The following ITPR2 variants were observed in gnomAD, a reference collection of about 807,000 sequenced individuals.
ITPR2 encodes the protein inositol 1,4,5-trisphosphate receptor type 2.
Under a neutral mutation model 317.1 loss-of-function variants are expected in ITPR2, and 207 were observed. The observed-to-expected ratio is 0.65, with a 90% CI of 0.58 to 0.73. ITPR2 has a LOEUF of 0.73. Among genes scored for constraint, ITPR2 ranks in the 30% least tolerant of loss-of-function variants. The pLI is 0.00. For synonymous variants in ITPR2, 1,156 were observed against 1,149.1 expected, an observed-to-expected ratio of 1.01 and a Z score of -0.12; for missense variants, 2,613 against 3,284.0, an observed-to-expected ratio of 0.80 and a Z score of 4.99.
intron 11 of ITPR2, 87 bp from the exon 12 acceptor site, chr12:26,682,760 G>GA: frequency 1.3e-5 from 10 of 753,726 alleles, no homozygotes; most frequent in South Asian, 3.5e-5. Flanking sequence ...TATATTATAT[G>GA]AACATAAATA....
At chr12:26,646,568 G>C (rs1947118731) in intron 21 of ITPR2, among the ~76,000 whole-genome samples, 1 of 152,146 alleles carries the variant, frequency 6.6e-6, no homozygotes, top group Admixed American at 6.6e-5. Flanking sequence ...GACATAGATA[G>C]ATTCAAAGCA....
intron 15 of ITPR2, among the ~76,000 whole-genome samples, chr12:26,662,286 A>G (rs1947521208): frequency 6.6e-6 from 1 of 152,154 alleles, no homozygotes; most frequent in Admixed American, 6.5e-5. Context: ...CCATTCTTAA[A>G]CTATCACCTT....
intron 2 of ITPR2, among the ~76,000 whole-genome samples, chr12:26,758,414 T>C (rs1949566231): frequency 6.6e-6 from 1 of 152,246 alleles, no homozygotes; most frequent in African/African-American, 2.4e-5. Context: ...GGCCCTTGAT[T>C]AATTTTGTCA....
At chr12:26,751,852 C>T (rs1949427573) in intron 2 of ITPR2, among the ~76,000 whole-genome samples, 2 of 148,442 alleles carry the variant, frequency 1.3e-5, no homozygotes, top group African/African-American at 5.0e-5. Flanking sequence ...GGCGACAGAG[C>T]AAGACTCTAT....
intron 32 of ITPR2, among the ~76,000 whole-genome samples, chr12:26,582,080 T>C (rs1945418070): frequency 6.6e-6 from 1 of 152,222 alleles, no homozygotes; most frequent in Non-Finnish European, 1.5e-5. Context: ...TACAAAGCTA[T>C]GTGGAACCTA....
chr12:26,552,970 C>G (rs771689451), intron 36 of ITPR2, among the ~76,000 whole-genome samples: 1 of 152,090 alleles, frequency 6.6e-6, no homozygotes, highest in Non-Finnish European at 1.5e-5. Flanking sequence ...TGAGTTAGGT[C>G]GGTGACTTTC....
chr12:26,584,569 AC>A (rs1176763820), intron 32 of ITPR2, among the ~76,000 whole-genome samples: 1 of 152,120 alleles, frequency 6.6e-6, no homozygotes, highest in Non-Finnish European at 1.5e-5. Context: ...TAAATAAGTT[AC>A]CATATGTTGA....
chr12:26,387,833 A>C (rs1397104041), intron 54 of ITPR2, among the ~76,000 whole-genome samples: 1 of 152,230 alleles, frequency 6.6e-6, no homozygotes, highest in African/African-American at 2.4e-5. Context: ...GGAAATGCAC[A>C]GTCCTGTAAT....
intron 48 of ITPR2, among the ~76,000 whole-genome samples, chr12:26,435,837 A>G (rs1941337584): frequency 6.6e-6 from 1 of 152,210 alleles, no homozygotes; most frequent in South Asian, 2.1e-4. Flanking sequence ...CTTAGACAAG[A>G]CAGAAAACAA....
At chr12:26,580,240 G>A in intron 32 of ITPR2, 85 bp from the exon 33 acceptor site, 2 of 1,217,578 alleles carry the variant, frequency 1.6e-6, no homozygotes, top group Non-Finnish European at 2.3e-6. Context: ...AAATTGTCCT[G>A]AAATAGTTGT....
chr12:26,516,260 AGGAAAGGAAAGGAAGGGAAGGGAAG>A (rs1565574458), intron 37 of ITPR2, among the ~76,000 whole-genome samples: 11 of 54,292 alleles, frequency 2.0e-4, no homozygotes, highest in South Asian at 7.5e-4. Context: ...AGGAAAGGAA[AGGAAAGGAAAGGAAGGGAAGGGAAG>A]GGAAAGGAAA....
intron 34 of ITPR2, among the ~76,000 whole-genome samples, chr12:26,574,836 A>G (rs1183335322): frequency 2.0e-5 from 3 of 151,894 alleles, no homozygotes; most frequent in Non-Finnish European, 4.4e-5. Flanking sequence ...ACTTTTAAAC[A>G]ACCAGATCTC....
In ITPR2 at chr12:26,658,200, T is replaced by C. The variant is rs1444794658; in HGVS notation, c.1887-70A>G. The C allele has an allele frequency of 5.8e-6, 6 of 1,037,134 alleles. No individual in the cohort carries two copies. In the African/African-American group the frequency reaches 6.6e-5, roughly 11 times the overall value. The allele number at this position is 1,037,134 out of a possible 1,614,324, so 64.2% of individuals were successfully genotyped here. A position where few individuals can be genotyped will look rare whatever the true frequency, so the allele number is the denominator to read the frequency against. The stretch of plus-strand genomic sequence containing the variant: ...TTATAAAAGCATCACAATAAAGACA[T>C]AATTTGGAATATAATAAAATAAACT... On this transcript the variant is annotated intron_variant, in intron 16 of 56. Coordinates refer to ENST00000381340, the MANE Select transcript of ITPR2 (RefSeq NM_002223.4).
chr12:26,648,818 T>G (rs1947174669), intron 21 of ITPR2: 1 of 152,184 alleles, frequency 6.6e-6, no homozygotes, highest in African/African-American at 2.4e-5. Context: ...ACCACAGGAA[T>G]TTTTCCCATG....
At chr12:26,825,533 T>C (rs1237085351) in intron 1 of ITPR2, among the ~76,000 whole-genome samples, 5 of 152,054 alleles carry the variant, frequency 3.3e-5, no homozygotes, top group South Asian at 4.2e-4. Context: ...AAAAGTGTCA[T>C]TGTGAAAAGC....
Position 26,568,006 on chromosome 12 carries a change from T to TATATATTATATATATTA in ITPR2, c.4631-6055_4631-6054insTAATATATATAATATAT, listed in dbSNP as rs1196635588. 4.7e-3 allele frequency among the ~76,000 whole-genome samples: 35 copies of TATATATTATATATATTA among 7,512 alleles called. 3 individuals carry two copies. The highest frequency in any genetic ancestry group is 0.012 in the African/African-American group (34 of 2,804). 4.9% of individuals were successfully genotyped at this position (7,512 alleles called of 152,430 possible). A position where few individuals can be genotyped will look rare whatever the true frequency, so the allele number is the denominator to read the frequency against. The stretch of plus-strand genomic sequence containing the variant: ...TATATATATATATATATTATATATA[T>TATATATTATATATATTA]TATATATATATATATATATATATAT... On this transcript the variant is annotated intron_variant, in intron 34 of 56. Transcript: ENST00000381340.
intron 37 of ITPR2, among the ~76,000 whole-genome samples, chr12:26,513,465 G>A (rs1943408826): frequency 6.6e-6 from 1 of 152,054 alleles, no homozygotes; most frequent in Non-Finnish European, 1.5e-5. Context: ...AGGCCAGTTT[G>A]GGTCACTCTG....
At chr12:26,463,568 G>A (rs1323703298) in intron 45 of ITPR2, among the ~76,000 whole-genome samples, 1 of 152,068 alleles carries the variant, frequency 6.6e-6, no homozygotes, top group East Asian at 1.9e-4. Context: ...GGGAGGCTGA[G>A]GCAGGAGAAT....
At chr12:26,801,916 T>C (rs1390219960) in intron 1 of ITPR2, among the ~76,000 whole-genome samples, 1 of 150,524 alleles carries the variant, frequency 6.6e-6, no homozygotes, top group African/African-American at 2.4e-5. Context: ...GATTTTGTAG[T>C]TGGATTAAAA....
Sources: allele counts gnomAD v4.1 joint callset (sites outside exome capture counted in the v4.1 genomes callset), GRCh38; gene constraint gnomAD v4.1.1; transcripts MANE v1.5; gene names NCBI Gene and HGNC (gene_info 2026-07-23, HGNC 2026-07-21).